Variants in FOXP2 observed in about 807,000 individuals in gnomAD.
FOXP2 encodes the protein forkhead box P2.
A neutral mutation model predicts 115.8 loss-of-function variants in FOXP2; 12 were observed. The observed-to-expected ratio is 0.10, with a 90% confidence interval of 0.07 to 0.17. The LOEUF is 0.17. Ranked by LOEUF, FOXP2 falls within the 10% of genes least tolerant of loss-of-function variation. The probability of loss-of-function intolerance (pLI) is 1.00; values close to 1 mark genes in which losing one functional copy is unlikely to be tolerated. For missense variants in FOXP2, 629 were observed against 843.5 expected, an observed-to-expected ratio of 0.75 and a Z score of 3.15; for synonymous variants, 328 against 297.7, an observed-to-expected ratio of 1.10 and a Z score of -1.05.
intron 3 of FOXP2, among the ~76,000 whole-genome samples, chr7:114,546,406 A>G (rs1226998163): frequency 6.6e-6 from 1 of 152,214 alleles, no homozygotes; most frequent in Non-Finnish European, 1.5e-5. Context: ...ATACATTACA[A>G]CCATGACTTA....
rs1045318435 is a variant in FOXP2, at chr7:114,615,045, C to A, written c.259-13495C>A. On this transcript the variant is annotated intron_variant, in intron 3 of 16. Coordinates refer to ENST00000350908, the MANE Select transcript of FOXP2 (RefSeq NM_014491.4). ...ACCATCCTGGCCAACATGGTGAAAC[C>A]CCGTCTCTACCAAAAATGCAAAAAT... Among the ~76,000 whole-genome samples the A allele has an allele frequency of 3.9e-5, 6 of 151,998 alleles. No individual in the cohort carries two copies. The East Asian group carries it at 1.2e-3, about 29-fold the overall frequency.
At chr7:114,251,717 C>T (rs1036636317) in intron 1 of FOXP2, among the ~76,000 whole-genome samples, 5 of 152,172 alleles carry the variant, frequency 3.3e-5, no homozygotes, top group Admixed American at 2.6e-4. Context: ...TCTAAATATA[C>T]AATCATGTCA....
chr7:114,314,372 C>T (rs1235611012), intron 2 of FOXP2, among the ~76,000 whole-genome samples: 8 of 151,814 alleles, frequency 5.3e-5, no homozygotes, highest in African/African-American at 1.2e-4. Flanking sequence ...CCCCAGCTGT[C>T]TTTTGCTTAG....
chr7:114,390,227 CATT>C (rs1792559679), intron 2 of FOXP2, among the ~76,000 whole-genome samples: 1 of 151,852 alleles, frequency 6.6e-6, no homozygotes, highest in Non-Finnish European at 1.5e-5. Flanking sequence ...AATAATGAGT[CATT>C]ATTATTTTAA....
intron 2 of FOXP2, among the ~76,000 whole-genome samples, chr7:114,334,957 A>ATG (rs1389735823): frequency 1.0e-4 from 15 of 144,744 alleles, no homozygotes; most frequent in African/African-American, 3.8e-4. Context: ...ATATATATAT[A>ATG]TAGAAATCCA....
chr7:114,382,139 A>T (rs1241936556), intron 2 of FOXP2, among the ~76,000 whole-genome samples: 1 of 152,204 alleles, frequency 6.6e-6, no homozygotes, highest in African/African-American at 2.4e-5. Context: ...TGGGAGAAGT[A>T]TCTAGTGACT....
chr7:114,687,693 G>T (rs1297847409), intron 16 of FOXP2, among the ~76,000 whole-genome samples: 1 of 152,006 alleles, frequency 6.6e-6, no homozygotes, highest in African/African-American at 2.4e-5. Context: ...CATATCTCTA[G>T]GATTGTTTGT....
intron 3 of FOXP2, chr7:114,561,108 G>C (rs1410581172): frequency 6.6e-6 from 1 of 152,162 alleles, no homozygotes; most frequent in Non-Finnish European, 1.5e-5. Context: ...GGCCTAACTT[G>C]TATCACCCGC....
intron 3 of FOXP2, among the ~76,000 whole-genome samples, chr7:114,591,391 G>T (rs1802428696): frequency 6.6e-6 from 1 of 152,020 alleles, no homozygotes; most frequent in Non-Finnish European, 1.5e-5. Flanking sequence ...GTTTAAATAA[G>T]ATTAAGTTAG....
intron 2 of FOXP2, among the ~76,000 whole-genome samples, chr7:114,508,724 T>TA (rs1440117806): frequency 6.6e-6 from 1 of 152,054 alleles, no homozygotes; most frequent in Non-Finnish European, 1.5e-5. Flanking sequence ...ATAACAGCAG[T>TA]AAAAAGGATT....
intron 2 of FOXP2, among the ~76,000 whole-genome samples, chr7:114,450,116 GT>G (rs1329917518): frequency 6.6e-6 from 1 of 152,082 alleles, no homozygotes; most frequent in Non-Finnish European, 1.5e-5. Context: ...ATATCAGTAA[GT>G]TTTGTAAGCA....
intron 1 of FOXP2, among the ~76,000 whole-genome samples, chr7:114,211,005 G>A (rs1365857566): frequency 1.3e-5 from 2 of 152,158 alleles, no homozygotes; most frequent in African/African-American, 2.4e-5. Flanking sequence ...AGGCTGGAGC[G>A]GCTGAGTCTA....
chr7:114,525,032 C>G (rs999475230), intron 2 of FOXP2, among the ~76,000 whole-genome samples: 1 of 152,150 alleles, frequency 6.6e-6, no homozygotes, highest in Admixed American at 6.6e-5. Flanking sequence ...GATACTCTTT[C>G]TATCCAATGG....
chr7:114,223,576 GT>G (rs1794677363), intron 1 of FOXP2, among the ~76,000 whole-genome samples: 1 of 145,900 alleles, frequency 6.9e-6, no homozygotes, highest in South Asian at 2.2e-4. Context: ...TATTATACCA[GT>G]TTATGGGTGT....
chr7:114,567,553 C>G (rs1226179889), intron 3 of FOXP2, among the ~76,000 whole-genome samples: 1 of 152,116 alleles, frequency 6.6e-6, no homozygotes, highest in Non-Finnish European at 1.5e-5. Flanking sequence ...AAAGTCCATT[C>G]CAGTACATTG....
At chr7:114,286,758 C>T (rs1413330841) in intron 1 of FOXP2, among the ~76,000 whole-genome samples, 2 of 152,006 alleles carry the variant, frequency 1.3e-5, no homozygotes, top group Non-Finnish European at 2.9e-5. Flanking sequence ...ACAGTGGTTT[C>T]GGATTATGCT....
intron 2 of FOXP2, among the ~76,000 whole-genome samples, chr7:114,428,360 T>G (rs2129206007): frequency 6.6e-6 from 1 of 151,716 alleles, no homozygotes; most frequent in Non-Finnish European, 1.5e-5. Context: ...GCATTTTGAT[T>G]AGGTCTATAA....
intron 1 of FOXP2, among the ~76,000 whole-genome samples, chr7:114,203,817 T>G (rs577088638): frequency 5.3e-5 from 8 of 152,166 alleles, no homozygotes; most frequent in African/African-American, 1.9e-4. Context: ...CATATTTTCC[T>G]TATTTCTTCT....
rs1316112947 is a variant in FOXP2, at chr7:114,528,110, CCAAA to C, written c.169-6503_169-6500del. ...TGTTTAGTTTATCCAATAATTAGCC[CCAAA>C]CAATCTTCTCACCATGTTTTACTAG... is the stretch of plus-strand genomic sequence containing the variant. On this transcript the variant is annotated intron_variant, in intron 2 of 16. Transcript: ENST00000350908. 5.9e-5 allele frequency among the ~76,000 whole-genome samples: 9 copies of C among 152,086 alleles called. No homozygotes were observed. In the South Asian group the frequency reaches 1.2e-3, roughly 21 times the overall value.
Sources: gnomAD v4.1 joint callset for allele counts (sites outside exome capture counted in the v4.1 genomes callset) on GRCh38, gnomAD v4.1.1 for gene constraint, MANE v1.5 for transcripts, NCBI Gene and HGNC (gene_info 2026-07-23, HGNC 2026-07-21) for gene names.